Variants in IMMP2L observed in about 807,000 individuals in gnomAD.
IMMP2L encodes the protein mitochondrial inner membrane protease subunit 2.
In IMMP2L, 18 loss-of-function variants were observed where a neutral mutation model predicts 19.3. That is an observed-to-expected ratio of 0.93 (90% CI 0.64 to 1.38). The LOEUF (loss-of-function observed/expected upper bound fraction) is 1.38. IMMP2L is among the 40% of genes most tolerant of loss of function. The pLI is 0.00. For synonymous variants in IMMP2L, 76 were observed against 73.0 expected (o/e 1.04, Z -0.21); for missense variants, 233 against 218.2 (o/e 1.07, Z -0.43).
intron 5 of IMMP2L, among the ~76,000 whole-genome samples, chr7:110,670,110 C>T (rs767336825): frequency 1.7e-4 from 26 of 152,014 alleles, no homozygotes; most frequent in South Asian, 4.2e-4. Context: ...TAAAATGAGG[C>T]CTGAAGGCAA....
intron 3 of IMMP2L, among the ~76,000 whole-genome samples, chr7:111,140,383 C>T (rs767953752): frequency 8.5e-5 from 13 of 152,114 alleles, no homozygotes; most frequent in Non-Finnish European, 1.6e-4. Context: ...AACCTTTGGA[C>T]AAGATCATGT....
intron 3 of IMMP2L, among the ~76,000 whole-genome samples, chr7:111,329,476 G>A (rs1196037955): frequency 6.6e-6 from 1 of 151,838 alleles, no homozygotes; most frequent in Non-Finnish European, 1.5e-5. Context: ...GCAGAGAGGA[G>A]TTAAGGGCAG....
intron 5 of IMMP2L, among the ~76,000 whole-genome samples, chr7:110,821,835 A>C (rs1320931553): frequency 2.0e-5 from 3 of 152,130 alleles, no homozygotes; most frequent in Non-Finnish European, 2.9e-5. Context: ...AGGCAGGAGA[A>C]TCGCTTGAAC....
At chr7:111,044,160 C>T (rs62464051) in intron 3 of IMMP2L, among the ~76,000 whole-genome samples, 10,961 of 152,272 alleles carry the variant, frequency 0.072, 497 homozygotes, top group Non-Finnish European at 0.11. Context: ...TCATCAAAAA[C>T]ATTATATAGA....
Position 110,947,582 on chromosome 7 carries a change from C to G in IMMP2L, c.305+15918G>C, listed in dbSNP as rs983964524. Reference sequence around the variant, plus strand: ...ATATTCCAGGGTTTTGTAAAGCTTACTGCTTATTATACTTTCATCTCAAAT... The same window carrying G: ...ATATTCCAGGGTTTTGTAAAGCTTAGTGCTTATTATACTTTCATCTCAAAT... On this transcript the variant is annotated intron_variant, in intron 4 of 5. Coordinates refer to ENST00000405709, the MANE Select transcript of IMMP2L (RefSeq NM_032549.4). Among the ~76,000 whole-genome samples, 3 of 152,148 alleles carry G rather than the reference C, an allele frequency of 2.0e-5. No homozygotes were observed. The East Asian group carries it at 5.8e-4, about 29-fold the overall frequency.
intron 5 of IMMP2L, among the ~76,000 whole-genome samples, chr7:110,715,806 T>C (rs1330423177): frequency 6.6e-6 from 1 of 152,146 alleles, no homozygotes; most frequent in Non-Finnish European, 1.5e-5. Flanking sequence ...TAAAGTTTCT[T>C]GGTTAGTTTT....
At chr7:110,771,528 C>G (rs1355940972) in intron 5 of IMMP2L, among the ~76,000 whole-genome samples, 1 of 152,110 alleles carries the variant, frequency 6.6e-6, no homozygotes, top group Non-Finnish European at 1.5e-5. Flanking sequence ...GTTACTTAAC[C>G]TAGCTGGGTC....
At chr7:111,166,537 C>T (rs1256971985) in intron 3 of IMMP2L, among the ~76,000 whole-genome samples, 11 of 152,086 alleles carry the variant, frequency 7.2e-5, no homozygotes, top group Admixed American at 7.2e-4. Flanking sequence ...TAAGGTAGTG[C>T]CAACTGCAGA....
chr7:111,125,775 C>G (rs986566846), intron 3 of IMMP2L, among the ~76,000 whole-genome samples: 3 of 137,690 alleles, frequency 2.2e-5, no homozygotes, highest in Non-Finnish European at 3.1e-5. Context: ...AACATAAAGT[C>G]TTATTTTAAT....
chr7:111,109,817 T>G (rs1683104334), intron 3 of IMMP2L, among the ~76,000 whole-genome samples: 1 of 152,136 alleles, frequency 6.6e-6, no homozygotes, highest in African/African-American at 2.4e-5. Flanking sequence ...GATGGAAAAC[T>G]GAAGTTAATG....
intron 3 of IMMP2L, among the ~76,000 whole-genome samples, chr7:111,359,452 C>T (rs1027504352): frequency 4.6e-5 from 7 of 151,962 alleles, no homozygotes; most frequent in African/African-American, 7.3e-5. Flanking sequence ...TAGGCACCCG[C>T]CACCACTCCT....
chr7:111,420,984 T>A (rs1835458678), intron 3 of IMMP2L, among the ~76,000 whole-genome samples: 2 of 151,860 alleles, frequency 1.3e-5, no homozygotes, highest in African/African-American at 4.9e-5. Context: ...ATCACCACAC[T>A]GTCTTCCACA....
intron 4 of IMMP2L, among the ~76,000 whole-genome samples, chr7:110,928,351 G>GCACACACACACACACA (rs58639346): frequency 8.5e-6 from 1 of 117,106 alleles, no homozygotes; most frequent in Non-Finnish European, 1.8e-5. Context: ...ATATGTACCT[G>GCACACACACACACACA]CACACACACA....
At chr7:111,461,393 T>TAC (rs1840123944) in intron 3 of IMMP2L, among the ~76,000 whole-genome samples, 1 of 151,826 alleles carries the variant, frequency 6.6e-6, no homozygotes, top group East Asian at 1.9e-4. Flanking sequence ...CATCCTGAAA[T>TAC]ACACACACAC....
In IMMP2L at chr7:111,123,176, G is replaced by A; in HGVS notation, c.240-159611C>T. The A allele has an allele frequency of 6.2e-7, 1 of 1,613,980 alleles. No homozygotes were observed. Reference sequence around the variant, plus strand: ...AAACTTACTGAACTGCCTGAAAAATGTCTGTCCGAACTGAGCAACTTACAA... The same window carrying A: ...AAACTTACTGAACTGCCTGAAAAATATCTGTCCGAACTGAGCAACTTACAA... On this transcript the variant is annotated intron_variant, in intron 3 of 5. Coordinates refer to ENST00000405709, the MANE Select transcript of IMMP2L (RefSeq NM_032549.4). This position sits in a 1 kb window ranked among gnomAD's most constrained non-coding sequence, Gnocchi z 6.4.
At chr7:110,957,937 T>C (rs185178628) in intron 4 of IMMP2L, among the ~76,000 whole-genome samples, 1 of 152,124 alleles carries the variant, frequency 6.6e-6, no homozygotes, top group African/African-American at 2.4e-5. Flanking sequence ...TATTTGTTTA[T>C]TGTCTGCTTC....
chr7:110,896,334 C>A (rs1239290294), intron 4 of IMMP2L, among the ~76,000 whole-genome samples: 2 of 151,166 alleles, frequency 1.3e-5, no homozygotes, highest in South Asian at 2.1e-4. Flanking sequence ...GGTGTAGATA[C>A]CATAATTAGT....
At chr7:111,086,696 T>C (rs1412242520) in intron 3 of IMMP2L, among the ~76,000 whole-genome samples, 1 of 152,202 alleles carries the variant, frequency 6.6e-6, no homozygotes, top group Non-Finnish European at 1.5e-5. Context: ...AAGACCTTCC[T>C]AGCACAATGT....
At chr7:111,227,214 A>G (rs1216827029) in intron 3 of IMMP2L, among the ~76,000 whole-genome samples, 1 of 152,038 alleles carries the variant, frequency 6.6e-6, no homozygotes, top group African/African-American at 2.4e-5. Context: ...ACAGCCATAC[A>G]GTGCTCCATT....
Sources: gnomAD v4.1 joint callset for allele counts (sites outside exome capture counted in the v4.1 genomes callset) on GRCh38, gnomAD v4.1.1 for gene constraint, Gnocchi (gnomAD v3.1) non-coding constraint, MANE v1.5 for transcripts, NCBI Gene and HGNC (gene_info 2026-07-23, HGNC 2026-07-21) for gene names.